The following LSM4 variants were observed in gnomAD, a reference collection of about 807,000 sequenced individuals.
LSM4 encodes LSM4 homolog, U6 small nuclear RNA and mRNA degradation associated, also known as U6 snRNA-associated Sm-like protein LSm4.
In LSM4, 15 loss-of-function variants were observed where a neutral mutation model predicts 22.3. The ratio of observed to expected loss-of-function variants is 0.67; its 90% CI spans 0.45 to 1.03. LSM4 has a LOEUF of 1.03. Ranked by LOEUF, LSM4 falls within the 50% of genes least tolerant of loss-of-function variation. LSM4 has a pLI of 0.00. For missense variants in LSM4, 127 were observed against 198.0 expected (o/e 0.64, Z 2.15); for synonymous variants, 90 against 79.8 (o/e 1.13, Z -0.68).
rs376677335 is a variant in LSM4, at chr19:18,307,107, G to A, written c.*357C>T. On this transcript the variant is annotated 3_prime_UTR_variant, in exon 5 of 5. Coordinates refer to ENST00000593829, the MANE Select transcript of LSM4 (RefSeq NM_012321.5). ...GAACAGCTTAAAATAAAAATCTCCC[G>A]TCTGGTTGCTGCTCGGAGAGGCTCC... 3 of 210,968 alleles carry A rather than the reference G, an allele frequency of 1.4e-5. No individual in the cohort carries two copies. Among genetic ancestry groups the A allele is most frequent in the African/African-American group, 4.6e-5 (2 of 43,638 alleles). The allele number at this position is 210,968 out of a possible 1,614,324, so 13.1% of individuals were successfully genotyped here. A position where few individuals can be genotyped will look rare whatever the true frequency, so the allele number is the denominator to read the frequency against.
At chr19:18,313,558 C>T (rs946724620) in intron 2 of LSM4, among the ~76,000 whole-genome samples, 2 of 152,162 alleles carry the variant, frequency 1.3e-5, no homozygotes, top group African/African-American at 4.8e-5. Flanking sequence ...TGCTCTGTTG[C>T]CCAGGCTGGA....
intron 2 of LSM4, among the ~76,000 whole-genome samples, chr19:18,313,450 A>G (rs1254513424): frequency 1.4e-5 from 2 of 146,904 alleles, no homozygotes; most frequent in Admixed American, 1.3e-4. Flanking sequence ...CTATTTTGGT[A>G]TGTTTTGAGA....
intron 4 of LSM4, 107 bp from the exon 5 acceptor site, chr19:18,307,662 A>C: frequency 1.3e-6 from 1 of 767,772 alleles, no homozygotes; most frequent in Non-Finnish European, 2.0e-6. Context: ...CTCCAGCCTC[A>C]GCTTCCTCAT....
At chr19:18,322,924 C>T in intron 1 of LSM4, 94 bp downstream of exon 1, 2 of 1,540,254 alleles carry the variant, frequency 1.3e-6, no homozygotes, top group South Asian at 1.2e-5. Flanking sequence ...TACGTTCGCC[C>T]CGCGCCAACC....
At chr19:18,310,636 C>T (rs1970288340) in intron 3 of LSM4, among the ~76,000 whole-genome samples, 1 of 152,304 alleles carries the variant, frequency 6.6e-6, no homozygotes, top group South Asian at 2.1e-4. Flanking sequence ...AGTTTCCCAG[C>T]CCCGCCCCAC....
intron 3 of LSM4, 51 bp downstream of exon 3, chr19:18,312,553 C>T: frequency 6.7e-7 from 1 of 1,483,500 alleles, no homozygotes; most frequent in Non-Finnish European, 9.4e-7. Context: ...AGGGAGGAGG[C>T]TGAGTGTGCA....
At chr19:18,311,288 C>A (rs1310664075) in intron 3 of LSM4, among the ~76,000 whole-genome samples, 2 of 152,172 alleles carry the variant, frequency 1.3e-5, no homozygotes, top group African/African-American at 2.4e-5. Context: ...GTCTCTGCAT[C>A]CTGCGGCCTG....
At chr19:18,312,874 C>T (rs977226677) in intron 2 of LSM4, among the ~76,000 whole-genome samples, 172 bp from the exon 3 acceptor site, 1 of 152,210 alleles carries the variant, frequency 6.6e-6, no homozygotes, top group African/African-American at 2.4e-5. Flanking sequence ...CTCCGCTAGA[C>T]ACTTCGCTGG....
intron 2 of LSM4, among the ~76,000 whole-genome samples, chr19:18,314,316 C>T (rs1452603671): frequency 6.6e-6 from 1 of 151,230 alleles, no homozygotes; most frequent in African/African-American, 2.4e-5. Context: ...GTCATGAGAT[C>T]GAGACCATCC....
intron 2 of LSM4, among the ~76,000 whole-genome samples, chr19:18,313,935 T>C (rs1970324658): frequency 6.6e-6 from 1 of 152,130 alleles, no homozygotes; most frequent in African/African-American, 2.4e-5. Context: ...TTCTCCTGCC[T>C]CAACCTCCCA....
intron 4 of LSM4, among the ~76,000 whole-genome samples, chr19:18,307,789 G>A (rs1308707775): frequency 9.2e-5 from 1 of 10,814 alleles, no homozygotes; most frequent in South Asian, 5.7e-3. Context: ...AGGGATGCGG[G>A]GGGGGGGGAC....
At position 18,309,668 on chromosome 19, in the gene LSM4, G is replaced by A. The variant is rs765271867; in HGVS notation, c.328+10C>T. The A allele has an allele frequency of 6.3e-7, 1 of 1,592,478 alleles. No individual in the cohort carries two copies. Among genetic ancestry groups the A allele is most frequent in the Non-Finnish European group, 8.5e-7 (1 of 1,171,682 alleles). ...GCCCCAGGTACGTCCACTGGAGAGG[G>A]GAGACCCACCTCGGCCAGCGCCGCC... On this transcript the variant is annotated intron_variant, in intron 4 of 4. Transcript: ENST00000593829.
At position 18,322,627 on chromosome 19, in the gene LSM4, C is replaced by T. The variant is rs540662978; in HGVS notation, c.3+391G>A. 4.9e-4 allele frequency among the ~76,000 whole-genome samples: 74 copies of T among 152,266 alleles called. 1 individual carries two copies. The highest frequency in any genetic ancestry group is 1.7e-3 in the African/African-American group (71 of 41,554). ...CAACTCAGACTGGCCCCCTACTTCC[C>T]AGCACTCTAGTTTTCAATCAGGGAG... On this transcript the variant is annotated intron_variant, in intron 1 of 4. Transcript: ENST00000593829.
At chr19:18,322,535 C>T (rs967704268) in intron 1 of LSM4, among the ~76,000 whole-genome samples, 1 of 152,138 alleles carries the variant, frequency 6.6e-6, no homozygotes, top group African/African-American at 2.4e-5. Context: ...CAGCCAGAAA[C>T]CAAGAGGCCT....
At chr19:18,322,178 C>T (rs1453428101) in intron 1 of LSM4, among the ~76,000 whole-genome samples, 1 of 152,196 alleles carries the variant, frequency 6.6e-6, no homozygotes, top group Non-Finnish European at 1.5e-5. Flanking sequence ...CTCCTGGTTA[C>T]TGAATCTCCC....
intron 1 of LSM4, among the ~76,000 whole-genome samples, chr19:18,318,141 G>A (rs1404038318): frequency 6.6e-6 from 1 of 152,218 alleles, no homozygotes; most frequent in Non-Finnish European, 1.5e-5. Flanking sequence ...AGATGCCTTT[G>A]CTGGGAGTCC....
intron 4 of LSM4, 63 bp from the exon 5 acceptor site, chr19:18,307,618 G>T: frequency 8.0e-7 from 1 of 1,246,190 alleles, no homozygotes; most frequent in South Asian, 1.6e-5. Context: ...ACAGGATCCC[G>T]GCGCCCTGAA....
At chr19:18,321,649 G>A (rs1187181666) in intron 1 of LSM4, among the ~76,000 whole-genome samples, 1 of 152,188 alleles carries the variant, frequency 6.6e-6, no homozygotes, top group Non-Finnish European at 1.5e-5. Flanking sequence ...GCCTCTGGCT[G>A]CAAGAGTCTG....
intron 4 of LSM4, among the ~76,000 whole-genome samples, chr19:18,309,116 G>A (rs912268742): frequency 1.3e-5 from 2 of 151,862 alleles, no homozygotes; most frequent in African/African-American, 2.4e-5. Flanking sequence ...CAGAATTGGC[G>A]CCTGGGGCCT....
Sources: gnomAD v4.1 joint callset for allele counts (sites outside exome capture counted in the v4.1 genomes callset) on GRCh38, gnomAD v4.1.1 for gene constraint, MANE v1.5 for transcripts, NCBI Gene and HGNC (gene_info 2026-07-23, HGNC 2026-07-21) for gene names.